Variants in NUDT9 observed in about 807,000 individuals in gnomAD.
NUDT9 encodes ADP-ribose pyrophosphatase.
A neutral mutation model predicts 41.0 loss-of-function variants in NUDT9; 31 were observed. That is an observed-to-expected ratio of 0.76 (90% CI 0.57 to 1.02). The LOEUF is 1.02. Ranked by LOEUF, NUDT9 falls within the 50% of genes least tolerant of loss-of-function variation. NUDT9 has a pLI of 0.00. For missense variants in NUDT9, 380 were observed against 431.4 expected (o/e 0.88, Z 1.06); for synonymous variants, 146 against 147.6 (o/e 0.99, Z 0.08).
At chr4:87,448,034 T>TAAAA (rs200685072) in intron 4 of NUDT9, among the ~76,000 whole-genome samples, 5 of 134,508 alleles carry the variant, frequency 3.7e-5, no homozygotes, top group African/African-American at 1.4e-4. Flanking sequence ...CCTGTCTTTT[T>TAAAA]AAAAAAAAAA....
intron 4 of NUDT9, chr4:87,445,295 A>G (rs1255267668): frequency 6.6e-6 from 1 of 152,190 alleles, no homozygotes; most frequent in Non-Finnish European, 1.5e-5. Flanking sequence ...AGTCTTTACT[A>G]TACTGTACTT....
At position 87,451,654 on chromosome 4, in the gene NUDT9, C is replaced by T; in HGVS notation, c.708C>T (p.Leu236=). 1 of 1,613,718 alleles carries T rather than the reference C, an allele frequency of 6.2e-7. No homozygotes were observed. Among genetic ancestry groups the T allele is most frequent in the South Asian group, 1.1e-5 (1 of 91,072 alleles). ...TLKREFGEEA[L]NSLQKTSAEK... is the part of the protein sequence containing the mutation. ...AAAGAGAATTTGGTGAGGAAGCTCT[C>T]AACTCCTTACAGAAAACCAGTGCTG... is the stretch of plus-strand genomic sequence containing the variant. Residue 236 remains leucine, a synonymous_variant, in exon 6 of 8, where the codon CTC becomes CTT. Coordinates refer to ENST00000302174, the MANE Select transcript of NUDT9 (RefSeq NM_024047.5).
Position 87,423,023 on chromosome 4 carries a change from C to T in NUDT9, c.107+11C>T, listed in dbSNP as rs1373958623. On this transcript the variant is annotated intron_variant, in intron 1 of 7. Transcript: ENST00000302174. ...CATCCAGGCGTTCAGGTATTCCACC[C>T]TCCTACTACCGGCTCCTTTGCCCTA... is the stretch of plus-strand genomic sequence containing the variant. 14 of 1,603,034 alleles carry T rather than the reference C, an allele frequency of 8.7e-6. No homozygotes were observed. The highest frequency in any genetic ancestry group is 1.2e-5 in the Non-Finnish European group (14 of 1,172,204).
At chr4:87,446,610 A>AT (rs775471806) in intron 4 of NUDT9, among the ~76,000 whole-genome samples, 2 of 152,144 alleles carry the variant, frequency 1.3e-5, no homozygotes, top group African/African-American at 2.4e-5. Flanking sequence ...AAGAACACAG[A>AT]TTCTGGAACC....
At chr4:87,455,849 A>T (rs183748474) in intron 7 of NUDT9, among the ~76,000 whole-genome samples, 34 of 151,874 alleles carry the variant, frequency 2.2e-4, no homozygotes, top group African/African-American at 7.2e-4. Flanking sequence ...TTTAGTAGAG[A>T]TGGGGTTTCA....
In NUDT9 at chr4:87,458,038, A is replaced by G. The variant is rs373046807; in HGVS notation, c.*17A>G. The stretch of plus-strand genomic sequence containing the variant: ...GCGTTGTAGCTGATGGTCTCCGTGT[A>G]AGCCAAAGGCCCACAGAGGAGCATA... On this transcript the variant is annotated 3_prime_UTR_variant, in exon 8 of 8. Transcript: ENST00000302174. The G allele has an allele frequency of 6.6e-7, 1 of 1,506,162 alleles. No homozygotes were observed. The highest frequency in any genetic ancestry group is 1.4e-5 in the African/African-American group (1 of 69,204). 93.3% of individuals were successfully genotyped at this position (1,506,162 alleles called of 1,614,324 possible).
At chr4:87,423,361 A>G (rs916575903) in intron 1 of NUDT9, among the ~76,000 whole-genome samples, 8 of 152,002 alleles carry the variant, frequency 5.3e-5, no homozygotes, top group African/African-American at 1.7e-4. Flanking sequence ...GTACATAGTT[A>G]AAACAACTTG....
chr4:87,434,653 T>C (rs1295890255), intron 1 of NUDT9, among the ~76,000 whole-genome samples: 5 of 151,754 alleles, frequency 3.3e-5, no homozygotes, highest in Non-Finnish European at 7.4e-5. Flanking sequence ...TTTTTTGAGA[T>C]GGAGTTTTCA....
chr4:87,452,175 G>A (rs1297799874), intron 6 of NUDT9, among the ~76,000 whole-genome samples: 1 of 151,866 alleles, frequency 6.6e-6, no homozygotes, highest in Non-Finnish European at 1.5e-5. Flanking sequence ...GCTAATTTTT[G>A]TATTTTTAGT....
intron 3 of NUDT9, among the ~76,000 whole-genome samples, chr4:87,441,279 G>A (rs1233218388): frequency 1.3e-5 from 2 of 152,178 alleles, no homozygotes; most frequent in Non-Finnish European, 2.9e-5. Context: ...GTGGCATCAG[G>A]TTAAATAGTT....
chr4:87,456,258 G>A (rs1397105750), intron 7 of NUDT9, among the ~76,000 whole-genome samples: 1 of 152,110 alleles, frequency 6.6e-6, no homozygotes, highest in Non-Finnish European at 1.5e-5. Context: ...GAGAATATAT[G>A]GTTAGATGTC....
intron 1 of NUDT9, among the ~76,000 whole-genome samples, chr4:87,430,217 C>T (rs376357451): frequency 6.6e-6 from 1 of 152,202 alleles, no homozygotes; most frequent in East Asian, 1.9e-4. Context: ...AGGATTCCCT[C>T]TAGAAGCTGG....
At chr4:87,448,211 C>A (rs1212699392) in intron 4 of NUDT9, among the ~76,000 whole-genome samples, 1 of 129,288 alleles carries the variant, frequency 7.7e-6, no homozygotes, top group African/African-American at 3.0e-5. Context: ...ATGGCACGAT[C>A]TTTGCTCACT....
chr4:87,452,524 C>T (rs1236379958), intron 6 of NUDT9, among the ~76,000 whole-genome samples: 1 of 151,660 alleles, frequency 6.6e-6, no homozygotes, highest in East Asian at 2.0e-4. Context: ...TGTTATGGCT[C>T]ACTGCAGTTT....
In NUDT9 at chr4:87,438,334, C is replaced by G; in HGVS notation, c.405C>G (p.Ser135Arg). 6.2e-7 allele frequency: 1 copy of G among 1,611,158 alleles called. No homozygotes were observed. Among genetic ancestry groups the G allele is most frequent in the East Asian group, 2.2e-5 (1 of 44,784 alleles). ...AGGATGGGCATGTTGAGAGAAAGAG[C>G]AAGAATGGCCTGTATGAGATTGAAA... Reference protein sequence around the residue: ...NEKDGHVERKSKNGLYEIENG... With the variant: ...NEKDGHVERKRKNGLYEIENG... Residue 135 changes from serine to arginine, a missense_variant, in exon 3 of 8, where the codon AGC becomes AGG. Transcript: ENST00000302174.
At chr4:87,424,295 T>A (rs1026118395) in intron 1 of NUDT9, among the ~76,000 whole-genome samples, 5 of 141,538 alleles carry the variant, frequency 3.5e-5, no homozygotes, top group South Asian at 2.4e-4. Flanking sequence ...AGTTTCGCTC[T>A]GTCGCCCAGG....
intron 1 of NUDT9, 123 bp downstream of exon 1, chr4:87,423,135 A>G (rs1285177412): frequency 1.2e-5 from 7 of 583,646 alleles, no homozygotes; most frequent in Non-Finnish European, 2.0e-5. Flanking sequence ...ATAGTCATAT[A>G]CAAGTTTTCA....
intron 5 of NUDT9, among the ~76,000 whole-genome samples, chr4:87,450,687 T>TA (rs1484007160): frequency 2.0e-5 from 3 of 152,230 alleles, no homozygotes; most frequent in Non-Finnish European, 4.4e-5. Flanking sequence ...AACTTTAGGC[T>TA]AATTTCTATG....
intron 4 of NUDT9, among the ~76,000 whole-genome samples, chr4:87,443,282 A>G (rs1474223682): frequency 6.6e-6 from 1 of 152,250 alleles, no homozygotes; most frequent in Non-Finnish European, 1.5e-5. Context: ...TGTATATTAC[A>G]TAAATATGCA....
Sources: allele counts gnomAD v4.1 joint callset (sites outside exome capture counted in the v4.1 genomes callset), GRCh38; gene constraint gnomAD v4.1.1; transcripts MANE v1.5; gene names NCBI Gene and HGNC (gene_info 2026-07-23, HGNC 2026-07-21).